ACTR8: variants seen among roughly 807,000 people sequenced by gnomAD.
The protein encoded by ACTR8 is actin related protein 8.
In ACTR8, 70 loss-of-function variants were observed where a neutral mutation model predicts 84.3. That is an observed-to-expected ratio of 0.83 (90% confidence interval 0.68 to 1.01). The LOEUF is 1.01. Among genes scored for constraint, ACTR8 ranks in the 50% least tolerant of loss-of-function variants. ACTR8 has a pLI of 0.00. For missense variants in ACTR8, 672 were observed against 775.4 expected (o/e 0.87, Z 1.58); for synonymous variants, 268 against 275.2 (o/e 0.97, Z 0.26).
At position 53,872,316 on chromosome 3, in the gene ACTR8, A is replaced by G. The variant is rs78766897; in HGVS notation, c.1302+68T>C. 1.2e-3 allele frequency: 1,815 copies of G among 1,475,964 alleles called. 23 individuals are homozygous for G. The African/African-American group carries it at 0.021, about 17-fold the overall frequency. 91.4% of individuals were successfully genotyped at this position (1,475,964 alleles called of 1,614,324 possible). A position where few individuals can be genotyped will look rare whatever the true frequency, so the allele number is the denominator to read the frequency against. Reference sequence around the variant, plus strand: ...AAGATAGAACTGATTACAATGGCCTATTAACTCTGGACAAATTTCTCCTTC... The same window carrying G: ...AAGATAGAACTGATTACAATGGCCTGTTAACTCTGGACAAATTTCTCCTTC... On this transcript the variant is annotated intron_variant, in intron 10 of 12. Coordinates refer to ENST00000335754, the MANE Select transcript of ACTR8 (RefSeq NM_022899.5).
At chr3:53,874,650 G>C (rs1390762185) in intron 7 of ACTR8, among the ~76,000 whole-genome samples, 1 of 152,038 alleles carries the variant, frequency 6.6e-6, no homozygotes, top group Non-Finnish European at 1.5e-5. Flanking sequence ...CTTGAACCCA[G>C]GAGGAAGAGG....
rs1478333449 is a variant in ACTR8, at chr3:53,870,072, A to G, written c.1641T>C (p.Ala547=). ...GAATTCTGTGCTGCAGAAATTCTTG[A>G]GCTTTATGAAACATCAAACCACCTC... is the stretch of plus-strand genomic sequence containing the variant. ...VVGGGLMFHK[A]QEFLQHRILN... The change falls in exon 12 of 13, where the codon GCT becomes GCC. Residue 547 remains alanine, a synonymous_variant. Transcript: ENST00000335754. The surrounding 1 kb of genome is among the most constrained non-coding windows in gnomAD (Gnocchi z 4.1). 1 of 1,614,206 alleles carries G rather than the reference A, an allele frequency of 6.2e-7. No individual in the cohort carries two copies. The highest frequency in any genetic ancestry group is 8.5e-7 in the Non-Finnish European group (1 of 1,180,022).
rs139980171 is a variant in ACTR8 at position 53,874,321 on chromosome 3, A to C, written c.955T>G (p.Tyr319Asp). ...YGGSDVSRCF[Y>D]WLMQRAGFPY... ...AACCCAGCTCGCTGCATTAGCCAGTAAAAACATCTTGACACATCAGATCCT... is the reference window on the plus strand; with the variant it reads ...AACCCAGCTCGCTGCATTAGCCAGTCAAAACATCTTGACACATCAGATCCT... Residue 319 changes from tyrosine (Y) to aspartate (D), a missense_variant, in exon 8 of 13, where the codon TAC (tyrosine) becomes GAC (aspartate). Tyr to Asp is a radical substitution (Grantham distance 160, BLOSUM62 -3). Coordinates refer to ENST00000335754, the MANE Select transcript of ACTR8 (RefSeq NM_022899.5). 1.2e-3 allele frequency: 1,936 copies of C among 1,614,214 alleles called. 4 individuals are homozygous for C. The highest frequency in any genetic ancestry group is 1.6e-3 in the Non-Finnish European group (1,844 of 1,180,026).
At chr3:53,869,853 CT>C (rs3833971) in intron 12 of ACTR8, 128 bp downstream of exon 12, 77,348 of 1,115,070 alleles carry the variant, frequency 0.069, 3,922 homozygotes, top group East Asian at 0.19. Context: ...CTGAAATTAA[CT>C]TTTCCACTTG....
At chr3:53,859,964 T>C in the ACTR8 span, 1 of 519,554 alleles carries the variant, frequency 1.9e-6, no homozygotes, top group East Asian at 3.1e-5. Context: ...GAACCGAGAT[T>C]GCGCCACTGC....
chr3:53,880,461 A>G (rs1700041676), intron 1 of ACTR8, among the ~76,000 whole-genome samples: 1 of 152,230 alleles, frequency 6.6e-6, no homozygotes, highest in Admixed American at 6.5e-5. Flanking sequence ...TCTGTCTGCA[A>G]ATTCAGACTG....
At chr3:53,866,091 G>A (rs1699770435), downstream of ACTR8, among the ~76,000 whole-genome samples, 1 of 152,198 alleles carries the variant, frequency 6.6e-6, no homozygotes, top group Admixed American at 6.5e-5. Flanking sequence ...TTATTATAAT[G>A]GTTTACTTAA....
At chr3:53,876,304 G>T (rs1364728810) in intron 6 of ACTR8, among the ~76,000 whole-genome samples, 5 of 152,096 alleles carry the variant, frequency 3.3e-5, no homozygotes, top group Admixed American at 3.3e-4. Flanking sequence ...GGATCACGAG[G>T]TCAGGAGATG....
intron 2 of ACTR8, 139 bp from the exon 3 acceptor site, chr3:53,878,606 C>A (rs1700010899): frequency 3.1e-6 from 2 of 636,180 alleles, no homozygotes; most frequent in East Asian, 2.7e-5. Context: ...ATCACATGTA[C>A]TGCTCTTAAG....
Position 53,870,142 on chromosome 3 carries a change from G to A in ACTR8, c.1571C>T (p.Ser524Phe). ...AILHSIDCCS[S>F]DDTKKKMYSS... The stretch of plus-strand genomic sequence containing the variant: ...GTACATCTTCTTTTTGGTGTCGTCA[G>A]ATGCTGAAAAGACAGTTGACATCCT... Residue 524 changes from serine to phenylalanine, a missense_variant, in exon 12 of 13, where the codon TCT (serine) becomes TTT (phenylalanine). By Grantham distance (155) the Ser-to-Phe change is radical. Transcript: ENST00000335754. This position sits in a 1 kb window ranked among gnomAD's most constrained non-coding sequence, Gnocchi z 4.1. 1.2e-6 allele frequency: 2 copies of A among 1,612,308 alleles called. No homozygotes were observed. Among genetic ancestry groups the A allele is most frequent in the Non-Finnish European group, 1.7e-6 (2 of 1,178,550 alleles).
At position 53,879,946 on chromosome 3, in the gene ACTR8, C is replaced by A; in HGVS notation, c.287G>T (p.Gly96Val). 1 of 1,609,732 alleles carries A rather than the reference C, an allele frequency of 6.2e-7. No individual in the cohort carries two copies. The highest frequency in any genetic ancestry group is 8.5e-7 in the Non-Finnish European group (1 of 1,177,008). ...LYKDSWLLRE[G>V]LNKPESNEQR... ...AGGTCGTTTTTGACTTACATTTAGT[C>A]CCTCCCTTAGGAGCCAACTGTCCTT... Residue 96 changes from glycine to valine, a missense_variant, in exon 2 of 13, where the codon GGA (glycine) becomes GTA (valine). Gly to Val is a moderately radical substitution (Grantham distance 109). Coordinates refer to ENST00000335754, the MANE Select transcript of ACTR8 (RefSeq NM_022899.5).
chr3:53,871,456 G>C lies in ACTR8; in HGVS notation c.1343C>G (p.Pro448Arg). The C allele has an allele frequency of 6.2e-7, 1 of 1,614,168 alleles. No individual in the cohort carries two copies. The highest frequency in any genetic ancestry group is 8.5e-7 in the Non-Finnish European group (1 of 1,180,024). Residue 448 changes from proline to arginine, a missense_variant, in exon 11 of 13, where the codon CCT (proline) becomes CGT (arginine). Physicochemically the swap from Pro to Arg is moderately radical, Grantham distance 103 (BLOSUM62 -2). Coordinates refer to ENST00000335754, the MANE Select transcript of ACTR8 (RefSeq NM_022899.5). The part of the protein sequence containing the change: ...ATADRKSASK[P>R]IGFEGDLRGQ... Reference sequence around the variant, plus strand: ...ACGAAGATCCCCTTCAAATCCAATAGGTTTGGATGCAGACTTTCGGTCAGC... The same window carrying C: ...ACGAAGATCCCCTTCAAATCCAATACGTTTGGATGCAGACTTTCGGTCAGC...
At chr3:53,873,393 C>G (rs1316789108) in intron 8 of ACTR8, among the ~76,000 whole-genome samples, 2 of 152,136 alleles carry the variant, frequency 1.3e-5, no homozygotes, top group Admixed American at 1.3e-4. Context: ...AATCAATAAG[C>G]AAATTCCCTC....
chr3:53,874,732 A>C (rs1699940142), intron 7 of ACTR8, among the ~76,000 whole-genome samples: 1 of 152,134 alleles, frequency 6.6e-6, no homozygotes, highest in Non-Finnish European at 1.5e-5. Context: ...TCTAAAAAAA[A>C]AAAAGAAACA....
At chr3:53,864,996 C>T (rs780149135), downstream of ACTR8, 30 of 1,614,060 alleles carry the variant, frequency 1.9e-5, no homozygotes, top group South Asian at 2.2e-5. Flanking sequence ...TTTCCAATGA[C>T]GTCAACAGTG....
Position 53,876,715 on chromosome 3 carries a change from T to C in ACTR8, c.685-2A>G, listed in dbSNP as rs570658961. The stretch of plus-strand genomic sequence containing the variant: ...AATTAACAAGATACATCTATAATAC[T>C]AAAAAGAAGAACAAAGATAAAAGGG... On this transcript the variant is annotated splice_acceptor_variant, in intron 5 of 12. Coordinates refer to ENST00000335754, the MANE Select transcript of ACTR8 (RefSeq NM_022899.5). LOFTEE classifies it high-confidence loss of function. 6.9e-6 allele frequency: 10 copies of C among 1,442,652 alleles called. No homozygotes were observed. In the South Asian group the frequency reaches 1.1e-4, roughly 16 times the overall value. 89.4% of individuals were successfully genotyped at this position (1,442,652 alleles called of 1,614,324 possible).
downstream of ACTR8, among the ~76,000 whole-genome samples, chr3:53,862,688 G>A (rs904664526): frequency 5.9e-5 from 9 of 152,310 alleles, no homozygotes; most frequent in Admixed American, 3.9e-4. Context: ...CACAGAAGCA[G>A]CAGCATCAGA....
intron 12 of ACTR8, among the ~76,000 whole-genome samples, chr3:53,869,546 C>T (rs563250605): frequency 7.2e-5 from 11 of 152,118 alleles, no homozygotes; most frequent in Non-Finnish European, 1.6e-4. Flanking sequence ...TAATAAAACA[C>T]ACAAAATCTA....
At chr3:53,877,476 G>T in intron 4 of ACTR8, 89 bp from the exon 5 acceptor site, 1 of 1,409,246 alleles carries the variant, frequency 7.1e-7, no homozygotes, top group African/African-American at 1.4e-5. Flanking sequence ...ACTAACGTTT[G>T]CTGAATGTGA....
Sources: gnomAD v4.1 joint callset for allele counts (sites outside exome capture counted in the v4.1 genomes callset) on GRCh38, gnomAD v4.1.1 for gene constraint, Gnocchi (gnomAD v3.1) non-coding constraint, MANE v1.5 for transcripts, NCBI Gene and HGNC (gene_info 2026-07-23, HGNC 2026-07-21) for gene names.